SYNGR4: variants seen among roughly 807,000 people sequenced by gnomAD.
SYNGR4 encodes synaptogyrin 4, also known as synaptogyrin-4.
In SYNGR4, 15 loss-of-function variants were observed where a neutral mutation model predicts 15.5. The observed-to-expected ratio is 0.97, with a 90% confidence interval of 0.65 to 1.49. The LOEUF (loss-of-function observed/expected upper bound fraction) is 1.49. Ranked by LOEUF, SYNGR4 falls within the 40% of genes most tolerant of loss-of-function variation. The pLI is 0.00. For synonymous variants in SYNGR4, 121 were observed against 127.4 expected (o/e 0.95, Z 0.34); for missense variants, 292 against 299.3 (o/e 0.98, Z 0.18).
intron 2 of SYNGR4, among the ~76,000 whole-genome samples, chr19:48,370,752 C>A (rs1970291688): frequency 6.6e-6 from 1 of 152,148 alleles, no homozygotes; most frequent in Admixed American, 6.5e-5. Flanking sequence ...CAGTCTGTTT[C>A]CCTTAGCCTA....
intron 2 of SYNGR4, among the ~76,000 whole-genome samples, chr19:48,366,580 A>G (rs1364135936): frequency 6.6e-6 from 1 of 151,622 alleles, no homozygotes; most frequent in African/African-American, 2.4e-5. Flanking sequence ...TAATTTTTGT[A>G]TTTTTAGTAG....
intron 4 of SYNGR4, 103 bp downstream of exon 4, chr19:48,375,855 GT>G: frequency 6.5e-7 from 1 of 1,539,252 alleles, no homozygotes; most frequent in South Asian, 1.2e-5. Flanking sequence ...TCCCCTGGGG[GT>G]CAGGGGTCGG....
intron 2 of SYNGR4, 143 bp from the exon 3 acceptor site, chr19:48,373,374 T>C: frequency 1.4e-6 from 1 of 724,466 alleles, no homozygotes. Context: ...AGCTGAGGGC[T>C]CTGACACTGT....
intron 2 of SYNGR4, among the ~76,000 whole-genome samples, chr19:48,368,192 T>A (rs2147402976): frequency 6.6e-6 from 1 of 152,302 alleles, no homozygotes; most frequent in East Asian, 1.9e-4. Context: ...GCTTGCCTGG[T>A]CACCCTGTGT....
At position 48,376,360 on chromosome 19, in the gene SYNGR4, G is replaced by T; in HGVS notation, c.*42G>T. The T allele has an allele frequency of 6.3e-7, 1 of 1,594,276 alleles. No individual in the cohort carries two copies. ...CAATAAAGAGAGAATCCTCCCTCCAGAAGGGTTTCTAAAAACAGCCCTCAG... is the reference window on the plus strand; with the variant it reads ...CAATAAAGAGAGAATCCTCCCTCCATAAGGGTTTCTAAAAACAGCCCTCAG... On this transcript the variant is annotated 3_prime_UTR_variant, in exon 5 of 5. Transcript: ENST00000344846.
rs769603289 is a variant in SYNGR4 at position 48,373,523 on chromosome 19, T to C, written c.100T>C (p.Ser34Pro). The change falls in exon 3 of 5, where the codon TCC becomes CCC. Residue 34 changes from serine to proline, a missense_variant. Ser to Pro is a moderately conservative substitution (Grantham distance 74). Transcript: ENST00000344846. ...TITRVFEGVFSLIVFSSLLTD... is the reference protein window; with the variant it reads ...TITRVFEGVFPLIVFSSLLTD... ...GGCCCCTGGAAATCCACAGGTCTTCTCCCTGATCGTCTTCTCCTCCCTGCT... is the reference window on the plus strand; with the variant it reads ...GGCCCCTGGAAATCCACAGGTCTTCCCCCTGATCGTCTTCTCCTCCCTGCT... 15 of 1,613,230 alleles carry C rather than the reference T, an allele frequency of 9.3e-6. No homozygotes were observed.
chr19:48,371,508 A>C (rs1253835902), intron 2 of SYNGR4, among the ~76,000 whole-genome samples: 1 of 152,094 alleles, frequency 6.6e-6, no homozygotes, highest in Admixed American at 6.5e-5. Context: ...GAAGAAGAGC[A>C]AGAGGTCAAG....
At chr19:48,374,632 C>T (rs1600948457) in intron 3 of SYNGR4, among the ~76,000 whole-genome samples, 1 of 152,202 alleles carries the variant, frequency 6.6e-6, no homozygotes, top group East Asian at 1.9e-4. Flanking sequence ...TCTGTCCCTG[C>T]GCCTTCTCAT....
chr19:48,371,021 T>C (rs1341538324), intron 2 of SYNGR4, among the ~76,000 whole-genome samples: 1 of 152,116 alleles, frequency 6.6e-6, no homozygotes, highest in Non-Finnish European at 1.5e-5. Flanking sequence ...CCATGCATAA[T>C]ATTGAATGCT....
intron 2 of SYNGR4, among the ~76,000 whole-genome samples, chr19:48,372,773 A>G (rs1442747627): frequency 1.3e-5 from 2 of 152,226 alleles, no homozygotes; most frequent in Non-Finnish European, 2.9e-5. Context: ...GCCAGGTGAC[A>G]CTGGGTGTTT....
rs1445397807 is a variant in SYNGR4 at position 48,373,730 on chromosome 19, C to T, written c.307C>T (p.Gln103Ter). 1 of 1,614,004 alleles carries T rather than the reference C, an allele frequency of 6.2e-7. No homozygotes were observed. The highest frequency in any genetic ancestry group is 8.5e-7 in the Non-Finnish European group (1 of 1,180,004). ...IAGTRFKTAF[Q>*]LLDFILAVLW... ...CGGCACCCGCTTCAAGACAGCCTTCCAGCTCCTGGACTTCATCCTGGCTGG... is the reference window on the plus strand; with the variant it reads ...CGGCACCCGCTTCAAGACAGCCTTCTAGCTCCTGGACTTCATCCTGGCTGG... Residue 103 changes from glutamine to a stop codon, truncating the protein, a stop_gained, in exon 3 of 5, where the codon CAG becomes TAG. Transcript: ENST00000344846. LOFTEE classifies it high-confidence loss of function.
Position 48,373,549 on chromosome 19 carries a change from G to A in SYNGR4, c.126G>A (p.Leu42=). ...VFSLIVFSSL[L]TDGYQNKMES... ...CCCTGATCGTCTTCTCCTCCCTGCT[G>A]ACCGACGGCTACCAGAACAAGATGG... Residue 42 remains leucine, a synonymous_variant, in exon 3 of 5, where the codon CTG becomes CTA. Coordinates refer to ENST00000344846, the MANE Select transcript of SYNGR4 (RefSeq NM_012451.4). 6.2e-7 allele frequency: 1 copy of A among 1,613,770 alleles called. No homozygotes were observed.
chr19:48,364,930 C>T (rs1248614232), intron 1 of SYNGR4, among the ~76,000 whole-genome samples: 4 of 151,896 alleles, frequency 2.6e-5, no homozygotes, highest in African/African-American at 9.7e-5. Context: ...CTGCACTCCA[C>T]CTCTGGGATC....
In SYNGR4 at chr19:48,375,961, C is replaced by T. The variant is rs1370381056; in HGVS notation, c.472-124C>T. The T allele has an allele frequency of 9.7e-6, 15 of 1,545,476 alleles. No homozygotes were observed. In the East Asian group the frequency reaches 3.3e-4, roughly 34 times the overall value. Reference sequence around the variant, plus strand: ...GGGCCTGTGCTTTGGCCTAGGGCTCCTGGGCAGTGAGCAGTCCAAACACCG... The same window carrying T: ...GGGCCTGTGCTTTGGCCTAGGGCTCTTGGGCAGTGAGCAGTCCAAACACCG... On this transcript the variant is annotated intron_variant, in intron 4 of 4. Transcript: ENST00000344846.
intron 2 of SYNGR4, among the ~76,000 whole-genome samples, chr19:48,370,994 C>G (rs1360363509): frequency 1.3e-5 from 2 of 152,146 alleles, no homozygotes; most frequent in Non-Finnish European, 2.9e-5. Context: ...CCCAGCTGTC[C>G]CCTGCACAGA....
At chr19:48,368,367 C>T (rs1210246629) in intron 2 of SYNGR4, among the ~76,000 whole-genome samples, 1 of 152,110 alleles carries the variant, frequency 6.6e-6, no homozygotes, top group Non-Finnish European at 1.5e-5. Context: ...GTGATCTTTC[C>T]TTAGTGATTT....
At chr19:48,370,933 C>A (rs372292972) in intron 2 of SYNGR4, among the ~76,000 whole-genome samples, 1 of 152,184 alleles carries the variant, frequency 6.6e-6, no homozygotes, top group Non-Finnish European at 1.5e-5. Context: ...TGCCCACCTC[C>A]GATCCATCAG....
chr19:48,372,538 T>C (rs1398540956), intron 2 of SYNGR4, among the ~76,000 whole-genome samples: 4 of 150,838 alleles, frequency 2.7e-5, no homozygotes, highest in Non-Finnish European at 5.9e-5. Flanking sequence ...TAGTCCCAGC[T>C]ACTCGGGAGG....
In SYNGR4 at chr19:48,365,828, A is replaced by G; in HGVS notation, c.-15A>G. 1 of 1,613,246 alleles carries G rather than the reference A, an allele frequency of 6.2e-7. No homozygotes were observed. Among genetic ancestry groups the G allele is most frequent in the East Asian group, 2.2e-5 (1 of 44,870 alleles). ...GGCTCCCACCTCCCAGTGGCCCCAA[A>G]GGAAAACAGCTGCCATGCACATCCC... On this transcript the variant is annotated 5_prime_UTR_variant, in exon 2 of 5. Coordinates refer to ENST00000344846, the MANE Select transcript of SYNGR4 (RefSeq NM_012451.4).
Sources: allele counts gnomAD v4.1 joint callset (sites outside exome capture counted in the v4.1 genomes callset), GRCh38; gene constraint gnomAD v4.1.1; transcripts MANE v1.5; gene names NCBI Gene and HGNC (gene_info 2026-07-23, HGNC 2026-07-21).